Variants in PCDHGA1 observed in about 807,000 individuals in gnomAD.
PCDHGA1 encodes the protein protocadherin gamma-A1.
A neutral mutation model predicts 58.0 loss-of-function variants in PCDHGA1; 32 were observed. That is an observed-to-expected ratio of 0.55 (90% CI 0.42 to 0.74). The LOEUF is 0.74. Ranked by LOEUF, PCDHGA1 falls within the 30% of genes least tolerant of loss-of-function variation. The pLI is 0.00. For synonymous variants in PCDHGA1, 498 were observed against 501.1 expected (o/e 0.99, Z 0.08); for missense variants, 1,205 against 1,182.3 (o/e 1.02, Z -0.28).
At chr5:141,472,359 G>T (rs2099278248) in intron 1 of PCDHGA1, among the ~76,000 whole-genome samples, 1 of 151,944 alleles carries the variant, frequency 6.6e-6, no homozygotes, top group Admixed American at 6.6e-5. Flanking sequence ...GGCTAACACG[G>T]TGAAACCCCG....
intron 1 of PCDHGA1, chr5:141,378,892 G>A (rs1477205995): frequency 1.3e-5 from 2 of 152,204 alleles, no homozygotes; most frequent in Non-Finnish European, 2.9e-5. Context: ...AAGGAGATAG[G>A]AGATTCTGTT....
At chr5:141,352,270 C>G in intron 1 of PCDHGA1, 1 of 1,614,072 alleles carries the variant, frequency 6.2e-7, no homozygotes, top group East Asian at 2.2e-5. Context: ...TATTGCCAGA[C>G]CTCAGCGACC....
intron 3 of PCDHGA1, among the ~76,000 whole-genome samples, chr5:141,509,766 G>A (rs1176830940): frequency 6.6e-6 from 1 of 152,104 alleles, no homozygotes; most frequent in Non-Finnish European, 1.5e-5. Flanking sequence ...TCCCTGAGAT[G>A]TCTAGTCCCC....
intron 1 of PCDHGA1, chr5:141,418,561 T>C: frequency 1.2e-6 from 2 of 1,614,006 alleles, no homozygotes; most frequent in Non-Finnish European, 1.7e-6. Context: ...TGGTAATAGA[T>C]GCCAATGACA....
Position 141,399,777 on chromosome 5 carries a change from C to T in PCDHGA1, c.2421+66672C>T, listed in dbSNP as rs751610227. On this transcript the variant is annotated intron_variant, in intron 1 of 3. Transcript: ENST00000517417. ...TGAGCCTGCGCGTGTTGGTGGGCGA[C>T]CGAAACGACAACGCACCGCGGGTGC... The T allele has an allele frequency of 3.7e-6, 6 of 1,613,304 alleles. No homozygotes were observed. The Admixed American group carries it at 8.3e-5, about 22-fold the overall frequency.
At chr5:141,449,202 C>T (rs77980623) in intron 1 of PCDHGA1, among the ~76,000 whole-genome samples, 7,411 of 152,148 alleles carry the variant, frequency 0.049, 284 homozygotes, top group African/African-American at 0.1. Context: ...AGTGTTAATT[C>T]TAACTTTCTG....
At chr5:141,394,446 A>C in intron 1 of PCDHGA1, 1 of 1,614,246 alleles carries the variant, frequency 6.2e-7, no homozygotes, top group Non-Finnish European at 8.5e-7. Flanking sequence ...CCTCAGCAGC[A>C]ACATGTCACT....
chr5:141,371,377 C>T (rs1767709786), intron 1 of PCDHGA1: 3 of 1,614,006 alleles, frequency 1.9e-6, no homozygotes, highest in Non-Finnish European at 2.5e-6. Flanking sequence ...GGACATCACA[C>T]TGCATATTGT....
intron 1 of PCDHGA1, among the ~76,000 whole-genome samples, chr5:141,437,668 G>T (rs72790049): frequency 3.1e-4 from 47 of 151,868 alleles, no homozygotes; most frequent in Non-Finnish European, 6.0e-4. Context: ...TCGAAGAGAT[G>T]TTGATCAAAC....
rs1040753474 is a variant in PCDHGA1 at position 141,511,446 on chromosome 5, G to T, written c.*273G>T. 3.1e-6 allele frequency: 2 copies of T among 654,526 alleles called. No individual in the cohort carries two copies. The highest frequency in any genetic ancestry group is 3.7e-5 in the African/African-American group (2 of 54,758). 40.5% of individuals were successfully genotyped at this position (654,526 alleles called of 1,614,324 possible). A position where few individuals can be genotyped will look rare whatever the true frequency, so the allele number is the denominator to read the frequency against. ...GTAGTGGGGTTACTGTAGACACCAA[G>T]AACCATTTGCCACACCCCGTTTAGT... On this transcript the variant is annotated 3_prime_UTR_variant, in exon 4 of 4. Transcript: ENST00000517417.
At chr5:141,371,042 T>C in intron 1 of PCDHGA1, 1 of 1,613,964 alleles carries the variant, frequency 6.2e-7, no homozygotes, top group Non-Finnish European at 8.5e-7. Flanking sequence ...CAGCTGTGGA[T>C]GGGGGCGAGC....
chr5:141,488,714 A>G (rs2099678684), intron 1 of PCDHGA1, among the ~76,000 whole-genome samples: 1 of 152,192 alleles, frequency 6.6e-6, no homozygotes, highest in Non-Finnish European at 1.5e-5. Flanking sequence ...TGGTTCAAGC[A>G]AAGTGGTGGA....
At chr5:141,410,888 C>G in intron 1 of PCDHGA1, 1 of 290,774 alleles carries the variant, frequency 3.4e-6, no homozygotes, top group Non-Finnish European at 5.6e-6. Flanking sequence ...GAGTCTCGCA[C>G]TGTTGCCTAG....
chr5:141,350,850 T>C (rs760044821), intron 1 of PCDHGA1: 4 of 1,614,072 alleles, frequency 2.5e-6, no homozygotes, highest in East Asian at 4.5e-5. Context: ...GAAAAACCTC[T>C]AGACAGGGAA....
intron 1 of PCDHGA1, chr5:141,410,640 G>T: frequency 1.3e-6 from 2 of 1,599,058 alleles, no homozygotes; most frequent in Non-Finnish European, 1.7e-6. Flanking sequence ...TCTTTTTTGT[G>T]TGTGATTTAT....
chr5:141,409,756 C>G, intron 1 of PCDHGA1: 1 of 1,612,994 alleles, frequency 6.2e-7, no homozygotes, highest in Non-Finnish European at 8.5e-7. Context: ...TCGCGCAGCG[C>G]GCCTTTGATC....
intron 1 of PCDHGA1, chr5:141,357,142 G>C (rs1286381573): frequency 1.2e-6 from 2 of 1,613,582 alleles, no homozygotes; most frequent in Middle Eastern, 1.6e-4. Flanking sequence ...GGTCGTCCAG[G>C]ACCATGGCCA....
intron 3 of PCDHGA1, 96 bp downstream of exon 3, chr5:141,505,577 G>C: frequency 2.5e-6 from 4 of 1,589,854 alleles, no homozygotes; most frequent in Non-Finnish European, 3.4e-6. Flanking sequence ...TGTCAAACCT[G>C]TGTAGTTTCT....
At position 141,476,090 on chromosome 5, in the gene PCDHGA1, C is replaced by T; in HGVS notation, c.2422-18717C>T. On this transcript the variant is annotated intron_variant, in intron 1 of 3. Coordinates refer to ENST00000517417, the MANE Select transcript of PCDHGA1 (RefSeq NM_018912.3). The surrounding 1 kb of genome is among the most constrained non-coding windows in gnomAD (Gnocchi z 7.6). ...GAAATCTCAGGGACGATCTGGACCC[C>T]GCTGAGAGGAACTGCTTTTGAGTGA... 3 of 1,562,222 alleles carry T rather than the reference C, an allele frequency of 1.9e-6. No individual in the cohort carries two copies. Among genetic ancestry groups the T allele is most frequent in the African/African-American group, 1.4e-5 (1 of 73,764 alleles).
Sources: gnomAD v4.1 joint callset for allele counts (sites outside exome capture counted in the v4.1 genomes callset) on GRCh38, gnomAD v4.1.1 for gene constraint, Gnocchi (gnomAD v3.1) non-coding constraint, MANE v1.5 for transcripts, NCBI Gene and HGNC (gene_info 2026-07-23, HGNC 2026-07-21) for gene names.